ADGRL3: variants seen among roughly 807,000 people sequenced by gnomAD.
ADGRL3 encodes adhesion G protein-coupled receptor L3.
ADGRL3 carries 62 observed loss-of-function variants against 153.5 expected under a neutral mutation model. The observed-to-expected ratio is 0.40, with a 90% CI of 0.33 to 0.50. The LOEUF is 0.50. Among genes scored for constraint, ADGRL3 ranks in the 20% least tolerant of loss-of-function variants. ADGRL3 has a pLI of 0.47. For missense variants in ADGRL3, 1,641 were observed against 1,859.4 expected (o/e 0.88, Z 2.16); for synonymous variants, 710 against 672.5 (o/e 1.06, Z -0.86).
At position 61,880,962 on chromosome 4, in the gene ADGRL3, C is replaced by G. The variant is rs540558842; in HGVS notation, c.1481-11694C>G. Among the ~76,000 whole-genome samples the G allele has an allele frequency of 5.9e-5, 9 of 152,284 alleles. No homozygotes were observed. In the South Asian group the frequency reaches 1.9e-3, roughly 32 times the overall value. On this transcript the variant is annotated intron_variant, in intron 9 of 26. Coordinates refer to ENST00000683033, the MANE Select transcript of ADGRL3 (RefSeq NM_001387552.1). ...TAAAATTAGACTCCTCAAGGAGTCT[C>G]AAGCTCTTTGAGGAAAGGGGCCTTG...
intron 8 of ADGRL3, among the ~76,000 whole-genome samples, chr4:61,763,155 G>A (rs1053058607): frequency 6.7e-6 from 1 of 149,294 alleles, no homozygotes; most frequent in Non-Finnish European, 1.5e-5. Flanking sequence ...TTTATTCATA[G>A]TAGTTTCATT....
At chr4:61,883,065 GA>G (rs1381799773) in intron 9 of ADGRL3, among the ~76,000 whole-genome samples, 1 of 152,140 alleles carries the variant, frequency 6.6e-6, no homozygotes, top group Non-Finnish European at 1.5e-5. Context: ...GCAGTGAGCC[GA>G]GATTGTGCCA....
At chr4:61,319,463 A>G (rs1200055576) in intron 1 of ADGRL3, among the ~76,000 whole-genome samples, 3 of 152,176 alleles carry the variant, frequency 2.0e-5, no homozygotes, top group Non-Finnish European at 2.9e-5. Context: ...ATGTCTGGTT[A>G]ATTCCTGAAA....
intron 4 of ADGRL3, among the ~76,000 whole-genome samples, chr4:61,583,389 G>T: frequency 6.6e-6 from 1 of 151,984 alleles, no homozygotes; most frequent in East Asian, 1.9e-4. Flanking sequence ...TTATCAGTAG[G>T]GGAGAGACCC....
intron 6 of ADGRL3, among the ~76,000 whole-genome samples, chr4:61,715,480 A>C: frequency 6.6e-6 from 1 of 152,338 alleles, no homozygotes; most frequent in South Asian, 2.1e-4. Context: ...GAATGGCTCT[A>C]TAAGCAACTT....
At chr4:61,359,150 T>C (rs2096244252) in intron 1 of ADGRL3, among the ~76,000 whole-genome samples, 1 of 152,152 alleles carries the variant, frequency 6.6e-6, no homozygotes, top group African/African-American at 2.4e-5. Flanking sequence ...TACATTGAGA[T>C]ATTACCTCTC....
At chr4:62,019,589 AT>A (rs1369430478) in intron 21 of ADGRL3, among the ~76,000 whole-genome samples, 4 of 151,956 alleles carry the variant, frequency 2.6e-5, no homozygotes, top group African/African-American at 9.7e-5. Context: ...TTATCTTTCA[AT>A]TTCTTTTAAC....
At chr4:61,263,391 T>A (rs1315282444) in intron 1 of ADGRL3, among the ~76,000 whole-genome samples, 1 of 151,360 alleles carries the variant, frequency 6.6e-6, no homozygotes, top group Non-Finnish European at 1.5e-5. Context: ...TAACTGGGGT[T>A]TAACCCTTTC....
chr4:61,630,307 A>G (rs1223774435), intron 5 of ADGRL3, among the ~76,000 whole-genome samples: 1 of 152,226 alleles, frequency 6.6e-6, no homozygotes, highest in Non-Finnish European at 1.5e-5. Flanking sequence ...AAAATTTCAT[A>G]TATGTAATTT....
chr4:61,848,401 A>G (rs567180481), intron 9 of ADGRL3, among the ~76,000 whole-genome samples: 7 of 151,610 alleles, frequency 4.6e-5, no homozygotes, highest in Non-Finnish European at 1.0e-4. Context: ...TTGTGACAAC[A>G]TAACTCCAGT....
Position 62,037,840 on chromosome 4 carries a change from A to G in ADGRL3, c.3701A>G (p.Tyr1234Cys). 1 of 1,613,662 alleles carries G rather than the reference A, an allele frequency of 6.2e-7. No homozygotes were observed. Among genetic ancestry groups the G allele is most frequent in the East Asian group, 2.2e-5 (1 of 44,808 alleles). ...TCTGGTTCTCGAACTCCTGGACGCT[A>G]CTCCACAGGCTCACAGGTAAACAAT... Reference protein sequence around the residue: ...KTSGSRTPGRYSTGSQSRIRR... With the variant: ...KTSGSRTPGRCSTGSQSRIRR... The change falls in exon 24 of 27, where the codon TAC becomes TGC. Residue 1234 changes from tyrosine (Y) to cysteine (C), a missense_variant. By Grantham distance (194) the Tyr-to-Cys change is radical. Coordinates refer to ENST00000683033, the MANE Select transcript of ADGRL3 (RefSeq NM_001387552.1).
chr4:61,878,695 C>G (rs1027408061), intron 9 of ADGRL3, among the ~76,000 whole-genome samples: 2 of 151,998 alleles, frequency 1.3e-5, no homozygotes, highest in African/African-American at 2.4e-5. Flanking sequence ...TTATTTGACC[C>G]CTCTTCTGTG....
intron 5 of ADGRL3, among the ~76,000 whole-genome samples, chr4:61,630,929 T>C (rs2093125885): frequency 6.6e-6 from 1 of 152,230 alleles, no homozygotes; most frequent in African/African-American, 2.4e-5. Context: ...CCTATCTTAC[T>C]ATTCTAAATA....
chr4:61,954,182 G>T (rs1487992962), intron 17 of ADGRL3, among the ~76,000 whole-genome samples: 1 of 151,928 alleles, frequency 6.6e-6, no homozygotes, highest in African/African-American at 2.4e-5. Context: ...TTTAGTAAAA[G>T]GCTACTCTGT....
chr4:61,380,693 A>C (rs2096657074), intron 1 of ADGRL3, among the ~76,000 whole-genome samples: 1 of 152,020 alleles, frequency 6.6e-6, no homozygotes, highest in African/African-American at 2.4e-5. Context: ...ACGATATGGA[A>C]CTATAAAGTA....
intron 2 of ADGRL3, among the ~76,000 whole-genome samples, chr4:61,421,707 A>C (rs571514443): frequency 5.3e-4 from 81 of 152,206 alleles, no homozygotes; most frequent in African/African-American, 1.9e-3. Flanking sequence ...ATTTCTATAA[A>C]TATTGTGATC....
chr4:61,831,411 TAAAAAAAAAA>T (rs1166970099), intron 9 of ADGRL3, among the ~76,000 whole-genome samples: 2 of 37,302 alleles, frequency 5.4e-5, no homozygotes, highest in African/African-American at 1.1e-4. Context: ...AGATGCTAAG[TAAAAAAAAAA>T]AAAAAAAAAA....
In ADGRL3 at chr4:61,660,170, G is replaced by T. The variant is rs948604617; in HGVS notation, c.474-16656G>T. On this transcript the variant is annotated intron_variant, in intron 5 of 26. Transcript: ENST00000683033. ...CTTTTTAACGTCTTTCTTCGTGTAT[G>T]CATACCTCAGTGAGACCTTTTTTGA... 3.3e-5 allele frequency among the ~76,000 whole-genome samples: 5 copies of T among 152,228 alleles called. No individual in the cohort carries two copies. In the South Asian group the frequency reaches 1.0e-3, roughly 32 times the overall value.
At chr4:61,610,465 G>C (rs1027084298) in intron 5 of ADGRL3, among the ~76,000 whole-genome samples, 2 of 152,118 alleles carry the variant, frequency 1.3e-5, no homozygotes, top group African/African-American at 4.8e-5. Flanking sequence ...GTGATGAACA[G>C]AGGAAAAATA....
Sources: allele counts gnomAD v4.1 joint callset (sites outside exome capture counted in the v4.1 genomes callset), GRCh38; gene constraint gnomAD v4.1.1; transcripts MANE v1.5; gene names NCBI Gene and HGNC (gene_info 2026-07-23, HGNC 2026-07-21).